Variants in CCDC181 observed in about 807,000 individuals in gnomAD.
CCDC181 encodes coiled-coil domain-containing protein 181.
Under a neutral mutation model 58.7 loss-of-function variants are expected in CCDC181, and 35 were observed. The observed-to-expected ratio is 0.60, with a 90% confidence interval of 0.46 to 0.79. CCDC181 has a LOEUF of 0.79. Among genes scored for constraint, CCDC181 ranks in the 30% least tolerant of loss-of-function variants. CCDC181 has a pLI of 0.00. For missense variants in CCDC181, 517 were observed against 583.9 expected, an observed-to-expected ratio of 0.89 and a Z score of 1.18; for synonymous variants, 183 against 197.5, an observed-to-expected ratio of 0.93 and a Z score of 0.62.
At chr1:169,422,371 C>T in intron 2 of CCDC181, 58 bp from the exon 3 acceptor site, 3 of 1,253,014 alleles carry the variant, frequency 2.4e-6, no homozygotes, top group African/African-American at 1.5e-5. Flanking sequence ...AGTAGACATA[C>T]AAAATGGGAT....
chr1:169,457,468 T>C (rs1287721626), intron 2 of CCDC181, among the ~76,000 whole-genome samples: 1 of 152,058 alleles, frequency 6.6e-6, no homozygotes, highest in African/African-American at 2.4e-5. Flanking sequence ...CATTAACAGG[T>C]TCTTGGAAAC....
At chr1:169,458,175 G>GTTTT (rs369111049) in intron 2 of CCDC181, among the ~76,000 whole-genome samples, 2 of 126,888 alleles carry the variant, frequency 1.6e-5, no homozygotes, top group Non-Finnish European at 3.2e-5. Context: ...AGTAATTTTT[G>GTTTT]TTTTTTTTTT....
At chr1:169,422,384 T>C in intron 2 of CCDC181, 71 bp from the exon 3 acceptor site, 1 of 1,105,364 alleles carries the variant, frequency 9.0e-7, no homozygotes, top group Non-Finnish European at 1.3e-6. Context: ...AATGGGATTT[T>C]TCCTGTTCAT....
chr1:169,405,580 G>A (rs1655601932), intron 4 of CCDC181, among the ~76,000 whole-genome samples: 1 of 152,182 alleles, frequency 6.6e-6, no homozygotes. Flanking sequence ...TTAATAAATG[G>A]TGCTGGGAAA....
chr1:169,419,488 A>T (rs1402904395), intron 3 of CCDC181, among the ~76,000 whole-genome samples: 1 of 152,184 alleles, frequency 6.6e-6, no homozygotes, highest in Non-Finnish European at 1.5e-5. Context: ...ATGGAATTCT[A>T]AGTGTTTTCC....
Position 169,394,978 on chromosome 1 carries a change from C to A in CCDC181, c.*69G>T. The A allele has an allele frequency of 7.3e-7, 1 of 1,362,900 alleles. No homozygotes were observed. The highest frequency in any genetic ancestry group is 1.0e-6 in the Non-Finnish European group (1 of 1,003,540). 84.4% of individuals were successfully genotyped at this position (1,362,900 alleles called of 1,614,324 possible). A position where few individuals can be genotyped will look rare whatever the true frequency, so the allele number is the denominator to read the frequency against. On this transcript the variant is annotated 3_prime_UTR_variant, in exon 6 of 6. Transcript: ENST00000367806. ...CATAATTTAGAATACAACCAAAGTA[C>A]ACAGACCCTAAGAAATCATATCCAA...
At chr1:169,443,508 A>G (rs1657290160) in intron 2 of CCDC181, 1 of 152,176 alleles carries the variant, frequency 6.6e-6, no homozygotes, top group Non-Finnish European at 1.5e-5. Flanking sequence ...TTTTTAAATT[A>G]TCAATAAGAA....
upstream of CCDC181, among the ~76,000 whole-genome samples, chr1:169,431,994 A>G (rs942849022): frequency 2.6e-5 from 4 of 152,170 alleles, no homozygotes; most frequent in African/African-American, 9.7e-5. Context: ...TTTACAGAGA[A>G]AAGTATAAAG....
At chr1:169,415,862 A>G (rs1018932892) in intron 4 of CCDC181, among the ~76,000 whole-genome samples, 8 of 152,116 alleles carry the variant, frequency 5.3e-5, no homozygotes, top group African/African-American at 1.9e-4. Flanking sequence ...CTATGGCCAT[A>G]TCCTCATCAC....
At chr1:169,422,355 T>C in intron 2 of CCDC181, 42 bp from the exon 3 acceptor site, 1 of 1,384,538 alleles carries the variant, frequency 7.2e-7, no homozygotes, top group East Asian at 2.3e-5. Flanking sequence ...AGATTCTTCA[T>C]TTATAAGTAG....
At chr1:169,438,200 CTT>C (rs35686282) in intron 2 of CCDC181, among the ~76,000 whole-genome samples, 14 of 150,864 alleles carry the variant, frequency 9.3e-5, no homozygotes, top group African/African-American at 2.7e-4. Flanking sequence ...CTCACAAATC[CTT>C]TTTTTTTTAA....
At chr1:169,402,675 A>G (rs1218570321) in intron 4 of CCDC181, among the ~76,000 whole-genome samples, 1 of 152,216 alleles carries the variant, frequency 6.6e-6, no homozygotes, top group Non-Finnish European at 1.5e-5. Context: ...ATGGAAAGGA[A>G]CAACCAGTAC....
At chr1:169,456,163 T>C (rs1657671270) in intron 2 of CCDC181, among the ~76,000 whole-genome samples, 1 of 152,152 alleles carries the variant, frequency 6.6e-6, no homozygotes, top group African/African-American at 2.4e-5. Context: ...TCCTCCCTTT[T>C]TGGCTTAGTT....
intron 2 of CCDC181, among the ~76,000 whole-genome samples, chr1:169,448,198 ATTACT>A (rs1335983777): frequency 1.3e-5 from 2 of 152,130 alleles, no homozygotes; most frequent in African/African-American, 4.8e-5. Context: ...TGTTTCTATT[ATTACT>A]TTAAACAGTT....
chr1:169,438,730 C>T (rs987530430), intron 2 of CCDC181, among the ~76,000 whole-genome samples: 2 of 152,092 alleles, frequency 1.3e-5, no homozygotes, highest in Non-Finnish European at 2.9e-5. Flanking sequence ...AGGTGAAGAG[C>T]GAATAGCCAC....
chr1:169,430,826 G>GA (rs1656900323), upstream of CCDC181, among the ~76,000 whole-genome samples: 1 of 152,200 alleles, frequency 6.6e-6, no homozygotes, highest in African/African-American at 2.4e-5. Context: ...ATACCCACTA[G>GA]AGGTTTCCCA....
intron 2 of CCDC181, among the ~76,000 whole-genome samples, chr1:169,448,367 T>A (rs1377580624): frequency 2.0e-5 from 3 of 152,178 alleles, no homozygotes; most frequent in African/African-American, 7.2e-5. Context: ...ACAGGGTAGA[T>A]CTGCTTGCAA....
intron 2 of CCDC181, chr1:169,451,004 C>G (rs532228653): frequency 1.3e-5 from 2 of 152,236 alleles, no homozygotes; most frequent in South Asian, 4.1e-4. Context: ...AGAATACATA[C>G]CACATAAGTA....
intron 2 of CCDC181, among the ~76,000 whole-genome samples, chr1:169,450,870 T>G (rs541842245): frequency 9.4e-4 from 143 of 152,338 alleles, no homozygotes; most frequent in African/African-American, 3.4e-3. Flanking sequence ...GGCATTAATT[T>G]GCTTTTCCCG....
Sources: gnomAD v4.1 joint callset for allele counts (sites outside exome capture counted in the v4.1 genomes callset) on GRCh38, gnomAD v4.1.1 for gene constraint, MANE v1.5 for transcripts, NCBI Gene and HGNC (gene_info 2026-07-23, HGNC 2026-07-21) for gene names.